The following SUPT3H variants were observed in gnomAD, a reference collection of about 807,000 sequenced individuals.
SUPT3H encodes transcription initiation protein SPT3 homolog.
A neutral mutation model predicts 44.3 loss-of-function variants in SUPT3H; 44 were observed. That is an observed-to-expected ratio of 0.99 (90% confidence interval 0.78 to 1.28). The LOEUF (loss-of-function observed/expected upper bound fraction) is 1.28, where lower values mean the gene tolerates loss of function less well. Ranked by LOEUF, SUPT3H falls within the 50% of genes most tolerant of loss-of-function variation. The pLI is 0.00. For missense variants in SUPT3H, 380 were observed against 387.1 expected, an observed-to-expected ratio of 0.98 and a Z score of 0.15; for synonymous variants, 124 against 125.6, an observed-to-expected ratio of 0.99 and a Z score of 0.09.
intron 2 of SUPT3H, among the ~76,000 whole-genome samples, chr6:45,112,035 C>G (rs1170892786): frequency 6.6e-6 from 1 of 152,196 alleles, no homozygotes; most frequent in Non-Finnish European, 1.5e-5. Flanking sequence ...TTAAGAAGTA[C>G]TGCAATGAGC....
intron 2 of SUPT3H, among the ~76,000 whole-genome samples, chr6:45,113,699 G>A (rs964466534): frequency 7.2e-5 from 11 of 151,958 alleles, no homozygotes; most frequent in Non-Finnish European, 1.3e-4. Context: ...GCATGGTGGC[G>A]CATGCCTGTA....
At chr6:44,937,722 C>T (rs1771695477) in intron 9 of SUPT3H, among the ~76,000 whole-genome samples, 1 of 151,728 alleles carries the variant, frequency 6.6e-6, no homozygotes, top group Non-Finnish European at 1.5e-5. Context: ...ATCGGTATGT[C>T]TTATTTTAAA....
At chr6:45,254,096 TTATAATCAGCAATGGG>T (rs917302901) in intron 2 of SUPT3H, among the ~76,000 whole-genome samples, 3 of 151,938 alleles carry the variant, frequency 2.0e-5, no homozygotes, top group Non-Finnish European at 2.9e-5. Context: ...ATTACTACAT[TTATAATCAGCAATGGG>T]ACCCACTCTA....
intron 2 of SUPT3H, among the ~76,000 whole-genome samples, chr6:45,353,549 A>G (rs1792511498): frequency 6.6e-6 from 1 of 152,116 alleles, no homozygotes; most frequent in Admixed American, 6.5e-5. Flanking sequence ...ATAATTTGAG[A>G]TGGTAAGTAC....
At chr6:45,187,954 A>G (rs192762202) in intron 2 of SUPT3H, among the ~76,000 whole-genome samples, 29 of 152,342 alleles carry the variant, frequency 1.9e-4, no homozygotes, top group Non-Finnish European at 3.5e-4. Flanking sequence ...GAAATAAACA[A>G]TTCATAAGTT....
chr6:45,127,739 T>C (rs1802659313), intron 2 of SUPT3H, among the ~76,000 whole-genome samples: 1 of 152,200 alleles, frequency 6.6e-6, no homozygotes, highest in Non-Finnish European at 1.5e-5. Flanking sequence ...TTTCCTTTTA[T>C]ATTTACTTTG....
intron 2 of SUPT3H, among the ~76,000 whole-genome samples, chr6:45,296,676 T>G (rs1425531253): frequency 7.1e-6 from 1 of 140,148 alleles, no homozygotes; most frequent in Admixed American, 8.0e-5. Flanking sequence ...GACACGGAGG[T>G]TGCAGTGAGC....
chr6:45,239,880 T>C (rs966039932), intron 2 of SUPT3H, among the ~76,000 whole-genome samples: 3 of 152,216 alleles, frequency 2.0e-5, no homozygotes, highest in African/African-American at 7.2e-5. Flanking sequence ...AAACAGGGAC[T>C]ATGGAACACC....
At position 44,865,608 on chromosome 6, in the gene SUPT3H, C is replaced by A. The variant is rs115024055; in HGVS notation, c.913-35751G>T. On this transcript the variant is annotated intron_variant, in intron 10 of 10. Transcript: ENST00000371459. ...TGAAACAGGTTTTCCCTTATCAAAC[C>A]ATTAGAACTTATGAAACATATTCAC... 4.7e-3 allele frequency among the ~76,000 whole-genome samples: 717 copies of A among 152,198 alleles called. 9 individuals carry two copies. Among genetic ancestry groups the A allele is most frequent in the African/African-American group, 0.016 (669 of 41,488 alleles).
chr6:44,865,902 G>C (rs1336813765), intron 10 of SUPT3H, among the ~76,000 whole-genome samples: 1 of 152,190 alleles, frequency 6.6e-6, no homozygotes, highest in East Asian at 1.9e-4. Flanking sequence ...GACTCAAGAT[G>C]GGGGAGACCT....
intron 2 of SUPT3H, among the ~76,000 whole-genome samples, chr6:45,212,479 CTATGTGTGTGTGTGTGTGTG>C (rs1387325785): frequency 7.2e-6 from 1 of 139,850 alleles, no homozygotes; most frequent in Non-Finnish European, 1.6e-5. Flanking sequence ...TCCACCTCCA[CTATGTGTGTGTGTGTGTGTG>C]TGTGTGTGTG....
chr6:45,099,851 A>T (rs1318994999), intron 3 of SUPT3H, among the ~76,000 whole-genome samples: 1 of 152,168 alleles, frequency 6.6e-6, no homozygotes, highest in African/African-American at 2.4e-5. Context: ...CAGGATAATT[A>T]AAAAAATTTA....
At chr6:45,138,701 G>C (rs75230517) in intron 2 of SUPT3H, among the ~76,000 whole-genome samples, 5,592 of 152,194 alleles carry the variant, frequency 0.037, 147 homozygotes, top group Middle Eastern at 0.058. Flanking sequence ...AAGAGGAGTA[G>C]TTATAAGAAT....
At chr6:44,982,586 A>C (rs1367755777) in intron 6 of SUPT3H, among the ~76,000 whole-genome samples, 1 of 152,202 alleles carries the variant, frequency 6.6e-6, no homozygotes, top group Non-Finnish European at 1.5e-5. Context: ...ACATCCAGAT[A>C]CTTCAAAACT....
chr6:45,327,355 A>G (rs1786530749), intron 2 of SUPT3H, among the ~76,000 whole-genome samples: 1 of 152,018 alleles, frequency 6.6e-6, no homozygotes, highest in Non-Finnish European at 1.5e-5. Context: ...ATTATAACAT[A>G]AGCATTTTAC....
chr6:44,899,775 T>C (rs1764677851), intron 10 of SUPT3H, among the ~76,000 whole-genome samples: 1 of 152,240 alleles, frequency 6.6e-6, no homozygotes, highest in Non-Finnish European at 1.5e-5. Context: ...TGAGATGTTC[T>C]ACTGCCATTG....
chr6:44,951,267 TC>T (rs1350760933), intron 9 of SUPT3H, among the ~76,000 whole-genome samples: 14 of 151,982 alleles, frequency 9.2e-5, no homozygotes, highest in Admixed American at 7.9e-4. Context: ...TTCTGTATTT[TC>T]TGTCTGAGTC....
rs776249214 is a variant in SUPT3H, at chr6:44,829,859, T to TGTCA, written c.913-6_913-3dup. ...CATCCCATTCCTGCGGTAGGCATTCTGTCAAAGAAAAAGAAATCTGCAATG... is the reference window on the plus strand; with the variant it reads ...CATCCCATTCCTGCGGTAGGCATTCTGTCAGTCAAAGAAAAAGAAATCTGCAATG... On this transcript the variant is annotated splice_region_variant and splice_polypyrimidine_tract_variant and intron_variant, in intron 10 of 10. Transcript: ENST00000371459. 3.1e-6 allele frequency: 5 copies of TGTCA among 1,613,126 alleles called. 1 individual carries two copies. The South Asian group carries it at 5.5e-5, about 18-fold the overall frequency.
intron 2 of SUPT3H, among the ~76,000 whole-genome samples, chr6:45,336,046 T>C (rs187541934): frequency 1.3e-5 from 2 of 151,480 alleles, no homozygotes; most frequent in Admixed American, 1.3e-4. Context: ...TGATCATTAA[T>C]CCAACCTCCT....
Sources: allele counts gnomAD v4.1 joint callset (sites outside exome capture counted in the v4.1 genomes callset), GRCh38; gene constraint gnomAD v4.1.1; transcripts MANE v1.5; gene names NCBI Gene and HGNC (gene_info 2026-07-23, HGNC 2026-07-21).